CUBN: variants seen among roughly 807,000 people sequenced by gnomAD.
CUBN encodes cubilin.
A neutral mutation model predicts 405.3 loss-of-function variants in CUBN; 282 were observed. The ratio of observed to expected loss-of-function variants is 0.70; its 90% CI spans 0.63 to 0.77. CUBN has a LOEUF of 0.77. CUBN is among the 30% of genes least tolerant of loss of function. The pLI is 0.00. For synonymous variants in CUBN, 1,684 were observed against 1,617.0 expected, an observed-to-expected ratio of 1.04 and a Z score of -0.99; for missense variants, 4,514 against 4,475.2, an observed-to-expected ratio of 1.01 and a Z score of -0.25.
chr10:16,901,694 A>G (rs1249563688), intron 51 of CUBN, among the ~76,000 whole-genome samples: 1 of 151,614 alleles, frequency 6.6e-6, no homozygotes, highest in Non-Finnish European at 1.5e-5. Context: ...TCTCAACTAA[A>G]AATACAAAAA....
chr10:16,891,982 A>C (rs1164916378), intron 54 of CUBN, among the ~76,000 whole-genome samples: 3 of 152,108 alleles, frequency 2.0e-5, no homozygotes, highest in Admixed American at 2.0e-4. Context: ...ACTATTCAAC[A>C]TTTTCTTCAC....
chr10:17,097,381 T>A (rs1836398637), intron 14 of CUBN, among the ~76,000 whole-genome samples: 1 of 152,134 alleles, frequency 6.6e-6, no homozygotes, highest in African/African-American at 2.4e-5. Context: ...TGAATAGATC[T>A]ATATTAAATA....
chr10:16,954,415 C>T lies in CUBN; in HGVS notation c.4829G>A (p.Arg1610Lys). 1.2e-6 allele frequency: 2 copies of T among 1,614,172 alleles called. No individual in the cohort carries two copies. ...TTGCCTGAATTGAGCTCGGAAGCCTCTGTTCTGTCTGGAAGGGCCAGACTG... is the reference window on the plus strand; with the variant it reads ...TTGCCTGAATTGAGCTCGGAAGCCTTTGTTCTGTCTGGAAGGGCCAGACTG... ...RFQSGPSRQN[R>K]GFRAQFRQAC... Residue 1610 changes from arginine (R) to lysine (K), a missense_variant, in exon 32 of 67, where the codon AGA (arginine) becomes AAA (lysine). Coordinates refer to ENST00000377833, the MANE Select transcript of CUBN (RefSeq NM_001081.4).
chr10:17,006,413 A>T (rs1339868279), intron 28 of CUBN, among the ~76,000 whole-genome samples: 2 of 152,194 alleles, frequency 1.3e-5, no homozygotes, highest in African/African-American at 4.8e-5. Context: ...CACACAAGAC[A>T]AGTGGATAAC....
intron 59 of CUBN, among the ~76,000 whole-genome samples, chr10:16,856,085 A>G (rs1288162893): frequency 6.6e-6 from 1 of 152,198 alleles, no homozygotes; most frequent in African/African-American, 2.4e-5. Flanking sequence ...GACCTCTGTG[A>G]CTATGCAATA....
At chr10:16,960,177 AG>A (rs1159292291) in intron 31 of CUBN, among the ~76,000 whole-genome samples, 2 of 152,196 alleles carry the variant, frequency 1.3e-5, no homozygotes, top group Non-Finnish European at 2.9e-5. Context: ...TAAAATGCCA[AG>A]ATACTAACAC....
In CUBN at chr10:16,877,224, A is replaced by G. The variant is rs780843; in HGVS notation, c.8906-127T>C. ...TATAAAAATTAAAATGAGAAACGAG[A>G]TATTTAACTTAGTTTCCTGTTGAAA... is the stretch of plus-strand genomic sequence containing the variant. On this transcript the variant is annotated intron_variant, in intron 56 of 66. Coordinates refer to ENST00000377833, the MANE Select transcript of CUBN (RefSeq NM_001081.4). 450,150 of 821,736 alleles carry G rather than the reference A, an allele frequency of 0.55. 130,094 individuals are homozygous for G. The highest frequency in any genetic ancestry group is 0.61 in the Non-Finnish European group (301,562 of 495,354). 50.9% of individuals were successfully genotyped at this position (821,736 alleles called of 1,614,324 possible).
At chr10:16,886,255 T>G (rs551068610) in intron 56 of CUBN, among the ~76,000 whole-genome samples, 1 of 152,352 alleles carries the variant, frequency 6.6e-6, no homozygotes, top group South Asian at 2.1e-4. Flanking sequence ...GAAAAAGGAT[T>G]AAGTGAGACA....
chr10:16,989,746 G>A (rs1391262484), intron 29 of CUBN, among the ~76,000 whole-genome samples: 1 of 152,128 alleles, frequency 6.6e-6, no homozygotes, highest in African/African-American at 2.4e-5. Flanking sequence ...AATGCCTCAT[G>A]CTACCTAGGT....
chr10:17,010,164 C>A (rs144528271), intron 28 of CUBN, among the ~76,000 whole-genome samples: 89 of 152,318 alleles, frequency 5.8e-4, no homozygotes, highest in East Asian at 4.2e-3. Flanking sequence ...CTGGAGAATG[C>A]CCCAGCCCTT....
chr10:16,974,756 C>T (rs957257879), intron 31 of CUBN, among the ~76,000 whole-genome samples: 3 of 152,178 alleles, frequency 2.0e-5, no homozygotes, highest in Middle Eastern at 3.2e-3. Context: ...ACCCCTGAGA[C>T]AGCAAGACTA....
intron 22 of CUBN, among the ~76,000 whole-genome samples, chr10:17,051,399 CAAGAA>C (rs1482448432): frequency 6.6e-6 from 1 of 151,522 alleles, no homozygotes; most frequent in Non-Finnish European, 1.5e-5. Flanking sequence ...TGAATCAAAT[CAAGAA>C]AAGAAATGTC....
At chr10:17,114,303 G>T (rs1836838220) in intron 7 of CUBN, 114 bp from the exon 8 acceptor site, 3 of 1,029,860 alleles carry the variant, frequency 2.9e-6, no homozygotes, top group Admixed American at 2.0e-5. Flanking sequence ...TTTCCATAAG[G>T]CCAATCCACT....
intron 56 of CUBN, among the ~76,000 whole-genome samples, chr10:16,886,264 C>T (rs958679736): frequency 6.6e-6 from 1 of 152,156 alleles, no homozygotes; most frequent in African/African-American, 2.4e-5. Flanking sequence ...TTAAGTGAGA[C>T]AAGCTTTGTT....
intron 24 of CUBN, 114 bp downstream of exon 24, chr10:17,045,820 G>A (rs1835119532): frequency 4.6e-6 from 5 of 1,084,876 alleles, no homozygotes; most frequent in Non-Finnish European, 7.1e-6. Flanking sequence ...CAATATTGAA[G>A]TTTAAATACA....
At chr10:17,086,853 T>C (rs1364292904) in intron 15 of CUBN, among the ~76,000 whole-genome samples, 2 of 152,170 alleles carry the variant, frequency 1.3e-5, no homozygotes, top group Non-Finnish European at 2.9e-5. Flanking sequence ...ATTGTCAGAG[T>C]GGTTGACACT....
At chr10:17,065,403 T>C in intron 22 of CUBN, 105 bp downstream of exon 22, 1 of 1,417,998 alleles carries the variant, frequency 7.1e-7, no homozygotes, top group Non-Finnish European at 9.9e-7. Context: ...TAGCTCTCAT[T>C]GTGTGCCACA....
At chr10:16,887,950 T>C (rs575681052) in intron 56 of CUBN, among the ~76,000 whole-genome samples, 25 of 152,198 alleles carry the variant, frequency 1.6e-4, no homozygotes, top group Non-Finnish European at 3.4e-4. Flanking sequence ...TGGAGGACAT[T>C]ATGCTAAGTG....
chr10:16,974,256 C>T (rs1417400818), intron 31 of CUBN, among the ~76,000 whole-genome samples: 1 of 152,220 alleles, frequency 6.6e-6, no homozygotes, highest in Non-Finnish European at 1.5e-5. Context: ...AGTCCAGGCT[C>T]AGCCCCAGAA....
Sources: allele counts gnomAD v4.1 joint callset (sites outside exome capture counted in the v4.1 genomes callset), GRCh38; gene constraint gnomAD v4.1.1; transcripts MANE v1.5; gene names NCBI Gene and HGNC (gene_info 2026-07-23, HGNC 2026-07-21).